CDC42BPA: variants seen among roughly 807,000 people sequenced by gnomAD.
CDC42BPA encodes CDC42 binding protein kinase alpha, also known as serine/threonine-protein kinase MRCK alpha.
CDC42BPA carries 80 observed loss-of-function variants against 223.5 expected under a neutral mutation model. The observed-to-expected ratio is 0.36, with a 90% CI of 0.30 to 0.43. CDC42BPA has a LOEUF of 0.43. Among genes scored for constraint, CDC42BPA ranks in the 20% least tolerant of loss-of-function variants. The probability of loss-of-function intolerance (pLI) is 1.00; values close to 1 mark genes in which losing one functional copy is unlikely to be tolerated. For missense variants in CDC42BPA, 1,743 were observed against 2,099.9 expected (o/e 0.83, Z 3.32); for synonymous variants, 694 against 718.6 (o/e 0.97, Z 0.55).
chr1:227,076,458 C>A (rs569593613), intron 17 of CDC42BPA, among the ~76,000 whole-genome samples: 1 of 151,986 alleles, frequency 6.6e-6, no homozygotes, highest in African/African-American at 2.4e-5. Context: ...GGCTTAGCCA[C>A]GTTGGCCAGG....
rs1553371209 is a variant in CDC42BPA at position 227,162,868 on chromosome 1, A to ATATGTGTGTGTGTGTG, written c.600-2233_600-2232insCACACACACACACATA. Among the ~76,000 whole-genome samples the ATATGTGTGTGTGTGTG allele has an allele frequency of 3.2e-3, 479 of 149,438 alleles. 2 individuals are homozygous for ATATGTGTGTGTGTGTG. Among genetic ancestry groups the ATATGTGTGTGTGTGTG allele is most frequent in the African/African-American group, 0.011 (430 of 40,352 alleles). ...AAAAAATAAAATAAAATAAATATAT[A>ATATGTGTGTGTGTGTG]TGTGTGTGTGTGTGTGTGTTTCCAA... is the stretch of plus-strand genomic sequence containing the variant. On this transcript the variant is annotated intron_variant, in intron 5 of 36. Coordinates refer to ENST00000366766, the MANE Select transcript of CDC42BPA (RefSeq NM_001394014.1).
chr1:227,041,799 A>C (rs918223896), intron 23 of CDC42BPA, among the ~76,000 whole-genome samples: 2 of 152,192 alleles, frequency 1.3e-5, no homozygotes, highest in African/African-American at 2.4e-5. Flanking sequence ...TTTGACTCTA[A>C]GTAGAACACA....
At chr1:227,218,732 CAT>C (rs371425203) in intron 2 of CDC42BPA, among the ~76,000 whole-genome samples, 62 of 152,262 alleles carry the variant, frequency 4.1e-4, no homozygotes, top group East Asian at 3.9e-3. Flanking sequence ...CCTATTGACA[CAT>C]GTTAATGGTG....
In CDC42BPA at chr1:227,315,963, A is replaced by G. The variant is rs201626777; in HGVS notation, c.178+1042T>C. On this transcript the variant is annotated intron_variant, in intron 1 of 36. Transcript: ENST00000366766. The stretch of plus-strand genomic sequence containing the variant: ...TGAATAAATTTCAAATCCAAAAAAA[A>G]AAAAAAAAAAAGACACAATCAGCAC... Among the ~76,000 whole-genome samples, 3 of 121,872 alleles carry G rather than the reference A, an allele frequency of 2.5e-5. No individual in the cohort carries two copies. In the East Asian group the frequency reaches 1.5e-3, roughly 60 times the overall value. The allele number at this position is 121,872 out of a possible 152,430, so 80.0% of individuals were successfully genotyped here.
At chr1:227,241,385 G>A (rs991997500) in intron 2 of CDC42BPA, among the ~76,000 whole-genome samples, 16 of 152,126 alleles carry the variant, frequency 1.1e-4, no homozygotes, top group African/African-American at 3.9e-4. Context: ...ATAAAAACCT[G>A]TAGGAGAATA....
chr1:227,214,425 AATTTCAAAC>A (rs1553399809), intron 2 of CDC42BPA, among the ~76,000 whole-genome samples: 2 of 152,196 alleles, frequency 1.3e-5, no homozygotes, highest in Non-Finnish European at 2.9e-5. Context: ...GAAGTATCTC[AATTTCAAAC>A]AATTAAATTG....
At chr1:227,077,919 A>G (rs1337641326) in intron 17 of CDC42BPA, among the ~76,000 whole-genome samples, 2 of 152,134 alleles carry the variant, frequency 1.3e-5, no homozygotes, top group African/African-American at 4.8e-5. Flanking sequence ...TGTCTCCTGC[A>G]TTTGTTCACT....
intron 1 of CDC42BPA, among the ~76,000 whole-genome samples, chr1:227,292,463 C>T (rs1022856178): frequency 6.6e-6 from 1 of 152,052 alleles, no homozygotes; most frequent in African/African-American, 2.4e-5. Flanking sequence ...AAATCTTGCT[C>T]CAATTATTTC....
intron 6 of CDC42BPA, among the ~76,000 whole-genome samples, chr1:227,154,433 T>G (rs1464387704): frequency 6.6e-6 from 1 of 151,950 alleles, no homozygotes; most frequent in Admixed American, 6.6e-5. Context: ...ACCCAAAGTT[T>G]CTCATAATTT....
At position 226,990,201 on chromosome 1, in the gene CDC42BPA, A is replaced by G. The variant is rs1289935614; in HGVS notation, c.*4067T>C. The G allele has an allele frequency of 6.6e-6, 1 of 152,200 alleles. No homozygotes were observed. The highest frequency in any genetic ancestry group is 1.9e-4 in the East Asian group (1 of 5,200). The allele number at this position is 152,200 out of a possible 1,614,324, so 9.4% of individuals were successfully genotyped here. ...CAATATTACGAGAAAAACCCTAAAA[A>G]ATTTATAAAATGAATGATATTACAC... On this transcript the variant is annotated 3_prime_UTR_variant, in exon 37 of 37. Coordinates refer to ENST00000366766, the MANE Select transcript of CDC42BPA (RefSeq NM_001394014.1).
intron 5 of CDC42BPA, among the ~76,000 whole-genome samples, chr1:227,175,984 G>T (rs1666892889): frequency 1.3e-5 from 2 of 152,148 alleles, no homozygotes; most frequent in Admixed American, 1.3e-4. Context: ...AAATACTGCA[G>T]AAGTTCATAC....
chr1:227,298,117 CTCTT>C (rs1446700096), intron 1 of CDC42BPA, among the ~76,000 whole-genome samples: 4 of 151,282 alleles, frequency 2.6e-5, no homozygotes, highest in African/African-American at 7.3e-5. Flanking sequence ...AAAAAAATCT[CTCTT>C]TCTCAGTGTA....
intron 21 of CDC42BPA, among the ~76,000 whole-genome samples, chr1:227,053,466 G>A (rs1673947192): frequency 6.6e-6 from 1 of 152,004 alleles, no homozygotes; most frequent in Admixed American, 6.6e-5. Context: ...CAACTGCTAG[G>A]ATACTCAATA....
intron 5 of CDC42BPA, among the ~76,000 whole-genome samples, chr1:227,168,497 G>GTTTTTTTTTTTTGTTTTT (rs1553374261): frequency 0.027 from 2,137 of 79,914 alleles, 250 homozygotes; most frequent in African/African-American, 0.09. Flanking sequence ...CTTCCCTGGT[G>GTTTTTTTTTTTTGTTTTT]TTTTTTTTTT....
chr1:227,131,822 T>A (rs1019029815), intron 10 of CDC42BPA, among the ~76,000 whole-genome samples: 3 of 152,206 alleles, frequency 2.0e-5, no homozygotes, highest in African/African-American at 7.2e-5. Flanking sequence ...TATTTAAGAA[T>A]TCTCACATCT....
At chr1:227,254,238 A>G (rs1682654718) in intron 1 of CDC42BPA, 83 bp from the exon 2 acceptor site, 1 of 673,094 alleles carries the variant, frequency 1.5e-6, no homozygotes, top group Non-Finnish European at 2.5e-6. Flanking sequence ...TCTTAGTTAC[A>G]CAAAAATTCA....
intron 6 of CDC42BPA, among the ~76,000 whole-genome samples, chr1:227,154,500 A>C (rs2149750630): frequency 6.6e-6 from 1 of 152,170 alleles, no homozygotes; most frequent in South Asian, 2.1e-4. Context: ...ACTATTTTAA[A>C]CCGATAAAAA....
chr1:227,225,201 GA>G (rs1676651975), intron 2 of CDC42BPA, among the ~76,000 whole-genome samples: 1 of 152,082 alleles, frequency 6.6e-6, no homozygotes, highest in Non-Finnish European at 1.5e-5. Flanking sequence ...CCTGTGAATA[GA>G]AATAAAATTG....
intron 11 of CDC42BPA, among the ~76,000 whole-genome samples, 163 bp from the exon 12 acceptor site, chr1:227,120,100 G>C (rs1688393593): frequency 6.6e-6 from 1 of 151,392 alleles, no homozygotes; most frequent in South Asian, 2.1e-4. Context: ...TGCATTATCA[G>C]TTCACTGTAA....
Sources: allele counts gnomAD v4.1 joint callset (sites outside exome capture counted in the v4.1 genomes callset), GRCh38; gene constraint gnomAD v4.1.1; transcripts MANE v1.5; gene names NCBI Gene and HGNC (gene_info 2026-07-23, HGNC 2026-07-21).